NRG3: variants seen among roughly 807,000 people sequenced by gnomAD.
NRG3 encodes the protein pro-neuregulin-3, membrane-bound isoform.
NRG3 carries 31 observed loss-of-function variants against 66.9 expected under a neutral mutation model. The ratio of observed to expected loss-of-function variants is 0.46; its 90% confidence interval spans 0.35 to 0.63. The LOEUF (loss-of-function observed/expected upper bound fraction) is 0.63. Among genes scored for constraint, NRG3 ranks in the 20% least tolerant of loss-of-function variants. The probability of loss-of-function intolerance (pLI) is 0.00; values close to 1 mark genes in which losing one functional copy is unlikely to be tolerated. For synonymous variants in NRG3, 393 were observed against 359.4 expected (o/e 1.09, Z -1.06); for missense variants, 910 against 878.9 (o/e 1.04, Z -0.45).
chr10:81,939,427 T>A (rs533649673), intron 1 of NRG3, among the ~76,000 whole-genome samples: 1 of 152,168 alleles, frequency 6.6e-6, no homozygotes, highest in South Asian at 2.1e-4. Flanking sequence ...GAGATTTTTT[T>A]ATTACTCATT....
At chr10:82,539,703 G>A (rs113946500) in intron 2 of NRG3, among the ~76,000 whole-genome samples, 4 of 151,882 alleles carry the variant, frequency 2.6e-5, no homozygotes, top group East Asian at 1.9e-4. Context: ...GCGGGATCTC[G>A]TCTCATTGCA....
At chr10:82,231,442 AAC>A (rs2076456884) in intron 1 of NRG3, among the ~76,000 whole-genome samples, 1 of 152,182 alleles carries the variant, frequency 6.6e-6, no homozygotes, top group Non-Finnish European at 1.5e-5. Context: ...TATTAATAGT[AAC>A]ACAAACAGGC....
At chr10:82,858,532 C>T (rs1162906231) in intron 3 of NRG3, among the ~76,000 whole-genome samples, 1 of 152,134 alleles carries the variant, frequency 6.6e-6, no homozygotes. Flanking sequence ...TTATGGTTAG[C>T]AAATGTGGAA....
intron 1 of NRG3, among the ~76,000 whole-genome samples, chr10:82,102,075 CAT>C (rs550276848): frequency 0.02 from 2,317 of 113,224 alleles, 64 homozygotes; most frequent in East Asian, 0.068. Context: ...TGTGTGTATA[CAT>C]ATATATATGT....
At chr10:82,482,532 T>C (rs1842360516) in intron 2 of NRG3, among the ~76,000 whole-genome samples, 1 of 152,142 alleles carries the variant, frequency 6.6e-6, no homozygotes, top group South Asian at 2.1e-4. Context: ...AGGTGTGGTG[T>C]AGGGAAACAG....
chr10:82,595,658 G>A (rs1254615879), intron 2 of NRG3, among the ~76,000 whole-genome samples: 6 of 151,940 alleles, frequency 3.9e-5, no homozygotes, highest in African/African-American at 9.7e-5. Context: ...GGTGGTGGGC[G>A]CCTGTAGTCC....
chr10:82,367,275 A>G (rs2084594411), intron 2 of NRG3, among the ~76,000 whole-genome samples: 1 of 152,200 alleles, frequency 6.6e-6, no homozygotes, highest in Non-Finnish European at 1.5e-5. Flanking sequence ...AAGTTGTAAA[A>G]TGCCATATAA....
intron 1 of NRG3, among the ~76,000 whole-genome samples, chr10:81,887,429 A>T (rs1330350374): frequency 2.6e-5 from 4 of 152,166 alleles, no homozygotes; most frequent in Admixed American, 6.6e-5. Flanking sequence ...TACACATATT[A>T]ATCAACTATC....
At chr10:82,157,506 A>G (rs1333709680) in intron 1 of NRG3, among the ~76,000 whole-genome samples, 1 of 151,722 alleles carries the variant, frequency 6.6e-6, no homozygotes, top group African/African-American at 2.4e-5. Flanking sequence ...GTTTGTGTCT[A>G]TGGACATCTA....
At chr10:82,928,084 C>T (rs773842498) in intron 4 of NRG3, among the ~76,000 whole-genome samples, 1 of 152,182 alleles carries the variant, frequency 6.6e-6, no homozygotes. Context: ...TTGCATTTCT[C>T]TAATGACCAG....
In NRG3 at chr10:82,756,680, C is replaced by A. The variant is rs1022452849; in HGVS notation, c.1027+18030C>A. ...GTTACTACTTAATTTAAAAGTGGTA[C>A]AAAGTACCAGGAAGTAAATGTCCAG... On this transcript the variant is annotated intron_variant, in intron 3 of 8. Transcript: ENST00000372141. Among the ~76,000 whole-genome samples the A allele has an allele frequency of 3.5e-4, 53 of 152,090 alleles. 1 individual carries two copies. The highest frequency in any genetic ancestry group is 3.4e-3 in the Middle Eastern group (1 of 294).
chr10:82,327,769 G>A (rs2081948022), intron 1 of NRG3, among the ~76,000 whole-genome samples: 4 of 152,156 alleles, frequency 2.6e-5, no homozygotes, highest in South Asian at 2.1e-4. Flanking sequence ...ACCATAGACT[G>A]AGTGGCTTAA....
chr10:82,270,787 G>A (rs941095176), intron 1 of NRG3, among the ~76,000 whole-genome samples: 2 of 152,104 alleles, frequency 1.3e-5, no homozygotes, highest in African/African-American at 4.8e-5. Context: ...ATCTACTGTA[G>A]ACACAGGTTA....
At position 82,588,492 on chromosome 10, in the gene NRG3, A is replaced by G. The variant is rs1013286022; in HGVS notation, c.954-150085A>G. On this transcript the variant is annotated intron_variant, in intron 2 of 8. Transcript: ENST00000372141. Reference sequence around the variant, plus strand: ...GGTTGTACAGCCTGCAGAACTGTGAACCAATTGAACCTTTTTTTTTTCTTT... The same window carrying G: ...GGTTGTACAGCCTGCAGAACTGTGAGCCAATTGAACCTTTTTTTTTTCTTT... 2.6e-5 allele frequency among the ~76,000 whole-genome samples: 4 copies of G among 151,632 alleles called. No individual in the cohort carries two copies. In the East Asian group the frequency reaches 5.8e-4, roughly 22 times the overall value.
At chr10:82,301,466 T>A (rs1248467420) in intron 1 of NRG3, among the ~76,000 whole-genome samples, 1 of 152,074 alleles carries the variant, frequency 6.6e-6, no homozygotes, top group East Asian at 1.9e-4. Flanking sequence ...AGAATCCTAC[T>A]CTTTTAAATG....
At chr10:82,344,406 C>T (rs189523032) in intron 1 of NRG3, among the ~76,000 whole-genome samples, 36 of 150,566 alleles carry the variant, frequency 2.4e-4, no homozygotes, top group East Asian at 1.6e-3. Flanking sequence ...TCATTTTTTA[C>T]GGCTACATAG....
At chr10:82,596,395 G>A (rs1049231098) in intron 2 of NRG3, among the ~76,000 whole-genome samples, 1 of 152,156 alleles carries the variant, frequency 6.6e-6, no homozygotes, top group Admixed American at 6.5e-5. Context: ...AATGAGGCAC[G>A]CATGTGAGAA....
chr10:81,960,878 C>T (rs557296419), intron 1 of NRG3, among the ~76,000 whole-genome samples: 18 of 152,182 alleles, frequency 1.2e-4, no homozygotes, highest in Admixed American at 6.5e-4. Flanking sequence ...AGGAAGAAAC[C>T]TCTTGATAAA....
chr10:82,335,932 G>T (rs781403190), intron 1 of NRG3, among the ~76,000 whole-genome samples: 1 of 152,082 alleles, frequency 6.6e-6, no homozygotes, highest in African/African-American at 2.4e-5. Context: ...ATTGTGTAAG[G>T]GGTCAAATAA....
Sources: gnomAD v4.1 joint callset for allele counts (sites outside exome capture counted in the v4.1 genomes callset) on GRCh38, gnomAD v4.1.1 for gene constraint, MANE v1.5 for transcripts, NCBI Gene and HGNC (gene_info 2026-07-23, HGNC 2026-07-21) for gene names.